The following FBXW11 variants were observed in gnomAD, a reference collection of about 807,000 sequenced individuals.
FBXW11 encodes F-box and WD repeat domain containing 11.
FBXW11 carries 19 observed loss-of-function variants against 77.6 expected under a neutral mutation model. The observed-to-expected ratio is 0.24, with a 90% CI of 0.17 to 0.36. The LOEUF (loss-of-function observed/expected upper bound fraction) is 0.36. Ranked by LOEUF, FBXW11 falls within the 10% of genes least tolerant of loss-of-function variation. The pLI is 1.00. For synonymous variants in FBXW11, 235 were observed against 249.4 expected (o/e 0.94, Z 0.54); for missense variants, 334 against 704.2 (o/e 0.47, Z 5.95).
intron 6 of FBXW11, among the ~76,000 whole-genome samples, chr5:171,895,153 A>G (rs1759658817): frequency 6.6e-6 from 1 of 152,194 alleles, no homozygotes; most frequent in Non-Finnish European, 1.5e-5. Context: ...ATGGATACCT[A>G]TCATTTCACT....
intron 1 of FBXW11, among the ~76,000 whole-genome samples, chr5:171,970,056 T>C (rs987937141): frequency 2.0e-5 from 3 of 152,196 alleles, no homozygotes; most frequent in Admixed American, 2.0e-4. Context: ...TCCAAAGACT[T>C]TGAAAGTCCA....
chr5:171,990,147 G>A (rs574991939), intron 1 of FBXW11, among the ~76,000 whole-genome samples: 2 of 149,852 alleles, frequency 1.3e-5, no homozygotes, highest in African/African-American at 4.9e-5. Flanking sequence ...GGAAGAAGGG[G>A]AAAGAGGAAG....
rs968849614 is a variant in FBXW11, at chr5:171,987,543, C to T, written c.45+18915G>A. 2.0e-5 allele frequency among the ~76,000 whole-genome samples: 3 copies of T among 152,074 alleles called. 1 individual carries two copies. Among genetic ancestry groups the T allele is most frequent in the East Asian group, 3.9e-4 (2 of 5,188 alleles). ...TCAGCTCACTGCAACCTCCACCTCCCGGGTTCAAGCGATTCTCTTTGCCTC... is the reference window on the plus strand; with the variant it reads ...TCAGCTCACTGCAACCTCCACCTCCTGGGTTCAAGCGATTCTCTTTGCCTC... On this transcript the variant is annotated intron_variant, in intron 1 of 13. Transcript: ENST00000517395.
intron 1 of FBXW11, among the ~76,000 whole-genome samples, chr5:171,993,732 C>A (rs1434841415): frequency 1.3e-5 from 2 of 152,022 alleles, no homozygotes; most frequent in African/African-American, 4.8e-5. Context: ...GTTGGTCCAA[C>A]CCTGGGATAA....
intron 2 of FBXW11, among the ~76,000 whole-genome samples, chr5:171,935,158 C>T (rs377689553): frequency 2.0e-5 from 3 of 152,120 alleles, no homozygotes; most frequent in African/African-American, 7.2e-5. Context: ...GGGGTTTCAC[C>T]GTGTTAGCCA....
intron 2 of FBXW11, among the ~76,000 whole-genome samples, chr5:171,921,517 TG>T (rs1372791383): frequency 1.3e-5 from 2 of 152,166 alleles, no homozygotes; most frequent in Non-Finnish European, 2.9e-5. Flanking sequence ...TTTTGGCCTA[TG>T]AAATCAATTT....
chr5:171,992,434 G>C (rs750221732), intron 1 of FBXW11, among the ~76,000 whole-genome samples: 86 of 149,934 alleles, frequency 5.7e-4, no homozygotes, highest in Non-Finnish European at 1.0e-3. Context: ...GAAAGAAAAA[G>C]AGAGAAAGGG....
chr5:171,951,943 G>A (rs925270926), intron 2 of FBXW11, among the ~76,000 whole-genome samples: 2 of 152,178 alleles, frequency 1.3e-5, no homozygotes, highest in Non-Finnish European at 2.9e-5. Context: ...TCAAGATTAA[G>A]TTGAATAATT....
chr5:171,925,136 G>A (rs888927866), intron 2 of FBXW11, among the ~76,000 whole-genome samples: 6 of 152,262 alleles, frequency 3.9e-5, no homozygotes, highest in African/African-American at 7.2e-5. Context: ...TCCAGCTGGC[G>A]AAGCAGCACA....
intron 2 of FBXW11, among the ~76,000 whole-genome samples, chr5:171,948,148 T>G (rs893253508): frequency 6.8e-6 from 1 of 146,236 alleles, no homozygotes; most frequent in Non-Finnish European, 1.5e-5. Flanking sequence ...GGCAGGAGAA[T>G]CGCTTGAATC....
At chr5:171,960,706 A>G (rs1387155929) in intron 1 of FBXW11, among the ~76,000 whole-genome samples, 1 of 152,258 alleles carries the variant, frequency 6.6e-6, no homozygotes, top group Non-Finnish European at 1.5e-5. Flanking sequence ...TGAAGAAATT[A>G]AATCCAAATT....
intron 1 of FBXW11, among the ~76,000 whole-genome samples, chr5:171,974,054 C>T (rs1764680819): frequency 6.6e-6 from 1 of 151,876 alleles, no homozygotes; most frequent in African/African-American, 2.4e-5. Context: ...GCAATGTTTC[C>T]CAAAGTTTGG....
chr5:171,903,912 C>T (rs1760303593), intron 4 of FBXW11, among the ~76,000 whole-genome samples: 1 of 152,162 alleles, frequency 6.6e-6, no homozygotes, highest in Non-Finnish European at 1.5e-5. Flanking sequence ...ACATCATTAA[C>T]CCAAATCCTC....
intron 9 of FBXW11, 92 bp from the exon 10 acceptor site, chr5:171,873,082 G>T: frequency 3.9e-6 from 4 of 1,021,024 alleles, no homozygotes; most frequent in South Asian, 1.5e-5. Context: ...TTCTGATAAT[G>T]ACCCAAATAT....
At chr5:171,901,971 A>T (rs1760149790) in intron 4 of FBXW11, among the ~76,000 whole-genome samples, 2 of 152,186 alleles carry the variant, frequency 1.3e-5, no homozygotes, top group African/African-American at 2.4e-5. Context: ...AACGGGTCAG[A>T]ACCAAGGACA....
intron 2 of FBXW11, among the ~76,000 whole-genome samples, chr5:171,926,503 C>T (rs969164590): frequency 2.6e-5 from 4 of 152,160 alleles, no homozygotes; most frequent in Non-Finnish European, 5.9e-5. Flanking sequence ...ACACCAACCC[C>T]CTTGGTGCTG....
intron 1 of FBXW11, among the ~76,000 whole-genome samples, chr5:172,002,427 T>C (rs1396777410): frequency 2.6e-5 from 4 of 151,742 alleles, no homozygotes; most frequent in Non-Finnish European, 4.4e-5. Context: ...TGTGTGTGTG[T>C]GTGTGTGTGT....
chr5:171,915,541 A>C (rs891374920), intron 2 of FBXW11, among the ~76,000 whole-genome samples: 5 of 151,900 alleles, frequency 3.3e-5, no homozygotes, highest in African/African-American at 1.2e-4. Flanking sequence ...TCAGGAATGC[A>C]GTATGATGGA....
At position 171,893,804 on chromosome 5, in the gene FBXW11, T is replaced by C. The variant is rs149734915; in HGVS notation, c.715-2200A>G. 1.4e-3 allele frequency among the ~76,000 whole-genome samples: 210 copies of C among 152,286 alleles called. 1 individual carries two copies. The highest frequency in any genetic ancestry group is 4.9e-3 in the African/African-American group (205 of 41,568). On this transcript the variant is annotated intron_variant, in intron 6 of 13. Coordinates refer to ENST00000517395, the MANE Select transcript of FBXW11 (RefSeq NM_001378974.1). Reference sequence around the variant, plus strand: ...ACAGAGATGAATACATAATATGTCTTTACATATATGTCAAGTGTTATCAAG... The same window carrying C: ...ACAGAGATGAATACATAATATGTCTCTACATATATGTCAAGTGTTATCAAG...
Sources: gnomAD v4.1 joint callset for allele counts (sites outside exome capture counted in the v4.1 genomes callset) on GRCh38, gnomAD v4.1.1 for gene constraint, MANE v1.5 for transcripts, NCBI Gene and HGNC (gene_info 2026-07-23, HGNC 2026-07-21) for gene names.